The following NUAK1 variants were observed in gnomAD, a reference collection of about 807,000 sequenced individuals.
NUAK1 encodes the protein NUAK family kinase 1.
NUAK1 carries 26 observed loss-of-function variants against 56.9 expected under a neutral mutation model. The observed-to-expected ratio is 0.46, with a 90% CI of 0.33 to 0.63. The LOEUF (loss-of-function observed/expected upper bound fraction) is 0.63, where lower values mean the gene tolerates loss of function less well. Among genes scored for constraint, NUAK1 ranks in the 30% least tolerant of loss-of-function variants. The pLI is 0.02. For synonymous variants in NUAK1, 337 were observed against 336.0 expected (o/e 1.00, Z -0.03); for missense variants, 727 against 876.1 (o/e 0.83, Z 2.15).
Position 106,106,661 on chromosome 12 carries a change from C to T in NUAK1, c.241-136G>A, listed in dbSNP as rs80048151. On this transcript the variant is annotated intron_variant, in intron 1 of 6. Transcript: ENST00000261402. ...TAACCAAAACAAAGCTTGGAAATGC[C>T]CCCTTGTCATGTCTTTCATACACAG... 1,190 of 817,944 alleles carry T rather than the reference C, an allele frequency of 1.5e-3. 18 individuals are homozygous for T. In the African/African-American group the frequency reaches 0.017, roughly 12 times the overall value. The allele number at this position is 817,944 out of a possible 1,614,324, so 50.7% of individuals were successfully genotyped here. A position where few individuals can be genotyped will look rare whatever the true frequency, so the allele number is the denominator to read the frequency against.
chr12:106,112,635 A>G (rs903949971), intron 1 of NUAK1, among the ~76,000 whole-genome samples: 1 of 152,216 alleles, frequency 6.6e-6, no homozygotes, highest in Non-Finnish European at 1.5e-5. Flanking sequence ...AACGGGCCCC[A>G]TGGGAACCAA....
chr12:106,090,442 G>A (rs1278356304), intron 2 of NUAK1, among the ~76,000 whole-genome samples: 3 of 152,140 alleles, frequency 2.0e-5, no homozygotes, highest in Admixed American at 6.5e-5. Flanking sequence ...ACCATGTGCA[G>A]GCACCATGCT....
intron 1 of NUAK1, among the ~76,000 whole-genome samples, chr12:106,121,368 G>A (rs371279081): frequency 2.0e-4 from 31 of 152,246 alleles, no homozygotes; most frequent in Admixed American, 7.8e-4. Context: ...CTCATTTCAC[G>A]CTTCTCTTTT....
At position 106,101,557 on chromosome 12, in the gene NUAK1, G is replaced by A. The variant is rs1430634509; in HGVS notation, c.361+4848C>T. Among the ~76,000 whole-genome samples the A allele has an allele frequency of 4.6e-5, 7 of 152,176 alleles. No homozygotes were observed. The South Asian group carries it at 8.3e-4, about 18-fold the overall frequency. ...AGGTATGAAGACACAGTTAAAAGTCGGTCATCTATAAGCCAAGGAGAGAGG... is the reference window on the plus strand; with the variant it reads ...AGGTATGAAGACACAGTTAAAAGTCAGTCATCTATAAGCCAAGGAGAGAGG... On this transcript the variant is annotated intron_variant, in intron 2 of 6. Coordinates refer to ENST00000261402, the MANE Select transcript of NUAK1 (RefSeq NM_014840.3).
chr12:106,128,128 C>CTTTTTTTTTT (rs199595148), intron 1 of NUAK1, among the ~76,000 whole-genome samples: 2 of 136,220 alleles, frequency 1.5e-5, no homozygotes, highest in African/African-American at 2.8e-5. Context: ...TCTCTCTTTT[C>CTTTTTTTTTT]TTTTTCTTTT....
Position 106,138,561 on chromosome 12 carries a change from A to G in NUAK1, c.93T>C (p.Thr31=). ...GCGGCTTCCTGGGCTCCAGGGCTGCAGTCGCCCCCGCCACCGCCTCTCGGG... is the reference window on the plus strand; with the variant it reads ...GCGGCTTCCTGGGCTCCAGGGCTGCGGTCGCCCCCGCCACCGCCTCTCGGG... ...GSPREAVAGA[T]AALEPRKPHG... is the part of the protein sequence containing the mutation. The change falls in exon 1 of 7, where the codon ACT becomes ACC. Residue 31 remains threonine (T), a synonymous_variant. Transcript: ENST00000261402. This position sits in a 1 kb window ranked among gnomAD's most constrained non-coding sequence, Gnocchi z 5.0. 6.2e-7 allele frequency: 1 copy of G among 1,605,992 alleles called. No homozygotes were observed.
intron 2 of NUAK1, among the ~76,000 whole-genome samples, chr12:106,096,049 T>C (rs1413946792): frequency 6.6e-6 from 1 of 152,202 alleles, no homozygotes; most frequent in Non-Finnish European, 1.5e-5. Context: ...AGGCCCCTCT[T>C]CTGTGCTCTG....
intron 1 of NUAK1, among the ~76,000 whole-genome samples, chr12:106,137,339 C>G (rs888404601): frequency 6.6e-6 from 1 of 152,144 alleles, no homozygotes; most frequent in South Asian, 2.1e-4. Context: ...TCCAAAACAC[C>G]CCCAAAAGTG....
chr12:106,079,108 T>G (rs2032491163), intron 4 of NUAK1, among the ~76,000 whole-genome samples: 1 of 152,228 alleles, frequency 6.6e-6, no homozygotes, highest in South Asian at 2.1e-4. Context: ...ACTTATTAGC[T>G]GCAAGAGCTT....
At position 106,111,425 on chromosome 12, in the gene NUAK1, G is replaced by A. The variant is rs549398143; in HGVS notation, c.241-4900C>T. 9.2e-5 allele frequency among the ~76,000 whole-genome samples: 14 copies of A among 151,794 alleles called. No homozygotes were observed. In the South Asian group the frequency reaches 2.7e-3, roughly 29 times the overall value. The stretch of plus-strand genomic sequence containing the variant: ...GTGTAGTGTAGGACCAGCCTTGGGG[G>A]CGTGGCAGAGAGTCTGGGCAGGTTG... On this transcript the variant is annotated intron_variant, in intron 1 of 6. Transcript: ENST00000261402.
chr12:106,098,335 C>T (rs1456566221), intron 2 of NUAK1, among the ~76,000 whole-genome samples: 1 of 152,116 alleles, frequency 6.6e-6, no homozygotes, highest in Non-Finnish European at 1.5e-5. Flanking sequence ...CTTATCTTCT[C>T]GTGGGCAGCA....
At chr12:106,072,971 C>T (rs2032421656) in intron 4 of NUAK1, 128 bp from the exon 5 acceptor site, 5 of 999,634 alleles carry the variant, frequency 5.0e-6, no homozygotes, top group Non-Finnish European at 6.0e-6. Context: ...GGCTGGATCG[C>T]CATTTTCTCT....
In NUAK1 at chr12:106,063,749, A is replaced by G. The variant is rs879211034; in HGVS notation, c.*3053T>C. On this transcript the variant is annotated 3_prime_UTR_variant, in exon 7 of 7. Transcript: ENST00000261402. ...TTTCTTCTAGGAATGATACCATGCC[A>G]GTAAATCCCTACAGAACATTTCCAG... is the stretch of plus-strand genomic sequence containing the variant. 4.6e-5 allele frequency: 7 copies of G among 151,786 alleles called. No homozygotes were observed. Among genetic ancestry groups the G allele is most frequent in the Admixed American group, 2.6e-4 (4 of 15,190 alleles). 9.4% of individuals were successfully genotyped at this position (151,786 alleles called of 1,614,324 possible). A position where few individuals can be genotyped will look rare whatever the true frequency, so the allele number is the denominator to read the frequency against.
intron 1 of NUAK1, among the ~76,000 whole-genome samples, chr12:106,112,502 A>G (rs2032871309): frequency 6.6e-6 from 1 of 152,162 alleles, no homozygotes; most frequent in African/African-American, 2.4e-5. Flanking sequence ...CTGGCCGAGG[A>G]CAGTCACCAC....
At chr12:106,102,551 T>A (rs181133514) in intron 2 of NUAK1, among the ~76,000 whole-genome samples, 2 of 152,310 alleles carry the variant, frequency 1.3e-5, no homozygotes, top group Admixed American at 1.3e-4. Context: ...TTACATACTA[T>A]TCCAAGGGAT....
At chr12:106,098,929 A>G (rs1354499247) in intron 2 of NUAK1, among the ~76,000 whole-genome samples, 2 of 151,932 alleles carry the variant, frequency 1.3e-5, no homozygotes, top group South Asian at 2.1e-4. Context: ...TTTTTTTTCC[A>G]TATTGTCAAT....
rs2032337957 is a variant in NUAK1, at chr12:106,066,304, TA to T, written c.*497del. The T allele has an allele frequency of 6.1e-6, 1 of 163,126 alleles. No homozygotes were observed. Among genetic ancestry groups the T allele is most frequent in the African/African-American group, 2.4e-5 (1 of 41,624 alleles). 10.1% of individuals were successfully genotyped at this position (163,126 alleles called of 1,614,324 possible). A position where few individuals can be genotyped will look rare whatever the true frequency, so the allele number is the denominator to read the frequency against. On this transcript the variant is annotated 3_prime_UTR_variant, in exon 7 of 7. Coordinates refer to ENST00000261402, the MANE Select transcript of NUAK1 (RefSeq NM_014840.3). Reference sequence around the variant, plus strand: ...CGCCAGCACAACTGGCAGCCACTATTAATTGATCGTCAACTCAAGCTCAAGT... The same window carrying T: ...CGCCAGCACAACTGGCAGCCACTATTATTGATCGTCAACTCAAGCTCAAGT...
At chr12:106,127,169 A>T (rs1324897809) in intron 1 of NUAK1, among the ~76,000 whole-genome samples, 1 of 151,828 alleles carries the variant, frequency 6.6e-6, no homozygotes, top group Non-Finnish European at 1.5e-5. Context: ...TTTTCTTTTT[A>T]TTTTCTTTTA....
chr12:106,089,571 C>T (rs1485785196), intron 2 of NUAK1, among the ~76,000 whole-genome samples: 1 of 152,180 alleles, frequency 6.6e-6, no homozygotes, highest in Non-Finnish European at 1.5e-5. Context: ...GCAGGTGGAT[C>T]ACTTGAGGCC....
Sources: allele counts gnomAD v4.1 joint callset (sites outside exome capture counted in the v4.1 genomes callset), GRCh38; gene constraint gnomAD v4.1.1; non-coding constraint Gnocchi (gnomAD v3.1); transcripts MANE v1.5; gene names NCBI Gene and HGNC (gene_info 2026-07-23, HGNC 2026-07-21).